The following GPR143 variants were observed in gnomAD, a reference collection of about 807,000 sequenced individuals.
GPR143 encodes G-protein coupled receptor 143.
A neutral mutation model predicts 27.6 loss-of-function variants in GPR143; 8 were observed. The observed-to-expected ratio is 0.29, with a 90% CI of 0.17 to 0.52. The LOEUF (loss-of-function observed/expected upper bound fraction) is 0.52. Ranked by LOEUF, GPR143 falls within the 20% of genes least tolerant of loss-of-function variation. The pLI, the probability that GPR143 is intolerant of heterozygous loss-of-function variation, is 0.96. For missense variants in GPR143, 303 were observed against 343.1 expected (o/e 0.88, Z 0.92); for synonymous variants, 156 against 153.2 (o/e 1.02, Z -0.13).
intron 8 of GPR143, among the ~76,000 whole-genome samples, chrX:9,726,416 C>G (rs6638958): frequency 0.1 from 11,586 of 111,222 alleles, 922 homozygotes; most frequent in East Asian, 0.61. Flanking sequence ...CAGCATCTAA[C>G]TCTACTCATG....
chrX:9,746,014 G>C, intron 5 of GPR143, 30 bp downstream of exon 5: 2 of 914,991 alleles, frequency 2.2e-6, no homozygotes, highest in African/African-American at 1.9e-5. Flanking sequence ...CCCAGTGGCC[G>C]TGTACCCAGA....
chrX:9,738,068 T>C (rs1270445348), intron 8 of GPR143, among the ~76,000 whole-genome samples: 1 of 112,095 alleles, frequency 8.9e-6, no homozygotes, highest in African/African-American at 3.2e-5. Context: ...TATTTTTCTA[T>C]TGGATCTGTA....
Position 9,739,680 on chromosome X carries a change from C to G in GPR143, c.925G>C (p.Ala309Pro), listed in dbSNP as rs766347844. The change falls in exon 8 of 9, where the codon GCC becomes CCC. Residue 309 changes from alanine to proline, a missense_variant. Transcript: ENST00000467482. ...NPAQGFLLSL[A>P]FYGWTGCSLG... ...CTGCATCCTGTCCAGCCGTAGAAGG[C>G]CAAAGACAAGAGAAATCCCTGGGCT... is the stretch of plus-strand genomic sequence containing the variant. 8.4e-7 allele frequency: 1 copy of G among 1,188,839 alleles called. No homozygotes were observed. Among genetic ancestry groups the G allele is most frequent in the Non-Finnish European group, 1.1e-6 (1 of 881,876 alleles).
intron 1 of GPR143, among the ~76,000 whole-genome samples, chrX:9,762,915 T>C (rs978423079): frequency 9.0e-6 from 1 of 111,402 alleles, no homozygotes; most frequent in African/African-American, 3.3e-5. Flanking sequence ...GCAAGTATTA[T>C]TCACTAACCC....
At chrX:9,768,008 C>A (rs897361632), upstream of GPR143, among the ~76,000 whole-genome samples, 1 of 111,638 alleles carries the variant, frequency 9.0e-6, no homozygotes, top group Non-Finnish European at 1.9e-5. Flanking sequence ...CTGCTTCCTA[C>A]GTGATAACCT....
chrX:9,739,925 C>T (rs144886665), intron 7 of GPR143, among the ~76,000 whole-genome samples: 13 of 111,389 alleles, frequency 1.2e-4, no homozygotes, highest in African/African-American at 3.9e-4. Context: ...AGGTGCTGTA[C>T]CTTCAAGGGT....
At chrX:9,739,871 T>G (rs1181916561) in intron 7 of GPR143, 152 bp from the exon 8 acceptor site, 1 of 505,618 alleles carries the variant, frequency 2.0e-6, no homozygotes, top group East Asian at 3.6e-5. Context: ...GCTGGTTGAC[T>G]GGTTGGTGGG....
chrX:9,725,991 A>G, intron 8 of GPR143, 151 bp from the exon 9 acceptor site: 1 of 1,056,872 alleles, frequency 9.5e-7, no homozygotes, highest in South Asian at 2.4e-5. Flanking sequence ...AAAAAAAAAA[A>G]AAAAAAAAAA....
chrX:9,725,776 G>C lies in GPR143; in HGVS notation c.1185C>G (p.Asp395Glu). ...GGTCTCCATGGGTTGGGAGAGCAGGGTCACCCTCATTTTTGTTGCAGGATT... is the reference window on the plus strand; with the variant it reads ...GGTCTCCATGGGTTGGGAGAGCAGGCTCACCCTCATTTTTGTTGCAGGATT... The part of the protein sequence containing the change: ...ASESCNKNEG[D>E]PALPTHGDL Residue 395 changes from aspartate (D) to glutamate (E), a missense_variant, in exon 9 of 9, where the codon GAC (aspartate) becomes GAG (glutamate). Asp to Glu is a conservative substitution (Grantham distance 45). Coordinates refer to ENST00000467482, the MANE Select transcript of GPR143 (RefSeq NM_000273.3). The C allele has an allele frequency of 1.7e-6, 2 of 1,206,476 alleles. No homozygotes were observed. The highest frequency in any genetic ancestry group is 4.6e-4 in the Middle Eastern group (2 of 4,349).
chrX:9,741,088 A>T (rs2083401670), intron 7 of GPR143: 1 of 289,375 alleles, frequency 3.5e-6, no homozygotes, highest in Non-Finnish European at 6.0e-6. Flanking sequence ...TTTCAAGCAG[A>T]AAGTGTTAAA....
chrX:9,743,988 A>G lies in GPR143; in HGVS notation c.659-315T>C, dbSNP rs758085947. Among the ~76,000 whole-genome samples the G allele has an allele frequency of 7.1e-5, 8 of 112,882 alleles. No individual in the cohort carries two copies. The South Asian group carries it at 1.8e-3, about 26-fold the overall frequency. ...TCCCCTCAATGTAAGCATCTTATGC[A>G]ACCATGGGGATGTTCTTCACAACTA... On this transcript the variant is annotated intron_variant, in intron 5 of 8. Coordinates refer to ENST00000467482, the MANE Select transcript of GPR143 (RefSeq NM_000273.3).
In GPR143 at chrX:9,733,270, T is replaced by A. The variant is rs779984973; in HGVS notation, c.1120+6215A>T. On this transcript the variant is annotated intron_variant, in intron 8 of 8. Coordinates refer to ENST00000467482, the MANE Select transcript of GPR143 (RefSeq NM_000273.3). ...GTATTGTGGGAGAAAAAAGGAATCA[T>A]GGGAAAGATGGAGGTTGTGGGAGAC... 4.5e-5 allele frequency among the ~76,000 whole-genome samples: 5 copies of A among 110,700 alleles called. No homozygotes were observed. The East Asian group carries it at 1.4e-3, about 32-fold the overall frequency.
In GPR143 at chrX:9,725,980, C is replaced by CAAAAAAAA. The variant is rs35066814; in HGVS notation, c.1121-148_1121-141dup. 90 of 355,011 alleles carry CAAAAAAAA rather than the reference C, an allele frequency of 2.5e-4. 1 individual carries two copies. The African/African-American group carries it at 6.0e-3, about 24-fold the overall frequency. The allele number at this position is 355,011 out of a possible 1,213,427, so 29.3% of individuals were successfully genotyped here. A position where few individuals can be genotyped will look rare whatever the true frequency, so the allele number is the denominator to read the frequency against. ...AAAGTCCTAGCATTCATCTCATCTG[C>CAAAAAAAA]AAAAAAAAAAAAAAAAAAAAAAAAA... On this transcript the variant is annotated intron_variant, in intron 8 of 8. Transcript: ENST00000467482.
intron 3 of GPR143, among the ~76,000 whole-genome samples, chrX:9,755,753 T>C (rs1233163629): frequency 2.7e-5 from 3 of 111,997 alleles, no homozygotes; most frequent in Non-Finnish European, 5.6e-5. Flanking sequence ...GTCCCTGATG[T>C]CCATCACAAG....
At chrX:9,734,695 T>C (rs1378830277) in intron 8 of GPR143, among the ~76,000 whole-genome samples, 1 of 111,940 alleles carries the variant, frequency 8.9e-6, no homozygotes, top group East Asian at 2.8e-4. Flanking sequence ...ATACTCCTGC[T>C]CCCATCAGAA....
chrX:9,771,729 G>A (rs1489817606), intron 1 of GPR143, among the ~76,000 whole-genome samples: 1 of 16,776 alleles, frequency 6.0e-5, no homozygotes, highest in Admixed American at 5.5e-4. Context: ...TTTTTTTTTG[G>A]ATGGAGTCTT....
At chrX:9,766,927 A>T (rs1365571656), upstream of GPR143, among the ~76,000 whole-genome samples, 2 of 107,911 alleles carry the variant, frequency 1.9e-5, no homozygotes, top group African/African-American at 6.8e-5. Flanking sequence ...ACACACACAC[A>T]CACACACACA....
chrX:9,749,693 T>C (rs2083443628), intron 3 of GPR143, among the ~76,000 whole-genome samples: 1 of 112,364 alleles, frequency 8.9e-6, no homozygotes, highest in South Asian at 3.7e-4. Context: ...GAACTCGTGA[T>C]CTCAAGCAAT....
intron 8 of GPR143, chrX:9,738,155 A>T (rs1272137386): frequency 8.9e-6 from 1 of 112,057 alleles, no homozygotes; most frequent in African/African-American, 3.2e-5. Context: ...TGCCGGAGGG[A>T]GTGGAAGTAA....
Sources: gnomAD v4.1 joint callset for allele counts (sites outside exome capture counted in the v4.1 genomes callset) on GRCh38, gnomAD v4.1.1 for gene constraint, MANE v1.5 for transcripts, NCBI Gene and HGNC (gene_info 2026-07-23, HGNC 2026-07-21) for gene names.